Variants in DHRS1 observed in about 807,000 individuals in gnomAD.
DHRS1 encodes dehydrogenase/reductase 1, also known as dehydrogenase/reductase SDR family member 1.
In DHRS1, 34 loss-of-function variants were observed where a neutral mutation model predicts 35.2. That is an observed-to-expected ratio of 0.97 (90% CI 0.74 to 1.29). DHRS1 has a LOEUF of 1.29. Among genes scored for constraint, DHRS1 ranks in the 50% most tolerant of loss-of-function variants. The pLI, the probability that DHRS1 is intolerant of heterozygous loss-of-function variation, is 0.00. For synonymous variants in DHRS1, 133 were observed against 160.0 expected (o/e 0.83, Z 1.27); for missense variants, 354 against 403.6 (o/e 0.88, Z 1.05).
chr14:24,299,281 G>A (rs2041323314), intron 1 of DHRS1, 151 bp from the exon 2 acceptor site: 3 of 701,194 alleles, frequency 4.3e-6, no homozygotes, highest in Non-Finnish European at 6.9e-6. Flanking sequence ...GCTGACAACT[G>A]GGTGCGGGCC....
At chr14:24,292,614 C>CT in intron 5 of DHRS1, 38 bp downstream of exon 5, 1 of 1,614,200 alleles carries the variant, frequency 6.2e-7, no homozygotes, top group Non-Finnish European at 8.5e-7. Flanking sequence ...ACATCACTGT[C>CT]TTTTACCTCC....
intron 4 of DHRS1, chr14:24,293,479 C>T (rs1485045295): frequency 6.6e-6 from 1 of 152,132 alleles, no homozygotes; most frequent in Non-Finnish European, 1.5e-5. Context: ...GAGCCTGAGG[C>T]AGGAGGATCT....
chr14:24,297,147 G>A (rs559719529), intron 2 of DHRS1, among the ~76,000 whole-genome samples: 8 of 152,356 alleles, frequency 5.3e-5, no homozygotes, highest in Non-Finnish European at 8.8e-5. Flanking sequence ...CATGTGCACA[G>A]CATTGTACTT....
chr14:24,291,633 A>G lies in DHRS1; in HGVS notation c.655-8T>C. 1 of 1,614,028 alleles carries G rather than the reference A, an allele frequency of 6.2e-7. No individual in the cohort carries two copies. The highest frequency in any genetic ancestry group is 1.1e-5 in the South Asian group (1 of 91,084). ...TGAGAAGGCTGATTTGAACTGAAAC[A>G]CAGGGGCAGAGAAGTGAAGGGTTAA... On this transcript the variant is annotated splice_region_variant and splice_polypyrimidine_tract_variant and intron_variant, in intron 6 of 8. Coordinates refer to ENST00000288111, the MANE Select transcript of DHRS1 (RefSeq NM_001136050.3).
At chr14:24,295,738 CT>C (rs2041238707) in intron 4 of DHRS1, among the ~76,000 whole-genome samples, 1 of 152,222 alleles carries the variant, frequency 6.6e-6, no homozygotes, top group South Asian at 2.1e-4. Flanking sequence ...TCCTAATGAT[CT>C]TCCTTCCACT....
chr14:24,296,530 T>C lies in DHRS1; in HGVS notation c.353A>G (p.Asp118Gly). ...CCACCTGAGTCCGACGTTGTTGATA[T>C]CATCCCACATGGAGGCAGGGGTTTC... is the stretch of plus-strand genomic sequence containing the variant. ...FWETPASMWD[D>G]INNVGLRGHY... Residue 118 changes from aspartate to glycine, a missense_variant, in exon 4 of 9, where the codon GAT becomes GGT. Physicochemically the swap from Asp to Gly is moderately conservative, Grantham distance 94. Transcript: ENST00000288111. The C allele has an allele frequency of 6.2e-7, 1 of 1,614,094 alleles. No individual in the cohort carries two copies.
At position 24,296,580 on chromosome 14, in the gene DHRS1, C is replaced by T. The variant is rs754850456; in HGVS notation, c.303G>A (p.Leu101=). 3 of 1,613,946 alleles carry T rather than the reference C, an allele frequency of 1.9e-6. No individual in the cohort carries two copies. Among genetic ancestry groups the T allele is most frequent in the South Asian group, 1.1e-5 (1 of 91,072 alleles). The part of the protein sequence containing the change: ...NNAYAGVQTI[L]NTRNKAFWET... The stretch of plus-strand genomic sequence containing the variant: ...CCCAGAATGCCTTATTCCTGGTGTT[C>T]AGGATCGTCTGGAAGGCACAGGGAG... Residue 101 remains leucine, a synonymous_variant, in exon 4 of 9, where the codon CTG becomes CTA. Transcript: ENST00000288111.
In DHRS1 at chr14:24,296,536, C is replaced by T. The variant is rs1469173317; in HGVS notation, c.347G>A (p.Trp116Ter). 1 of 1,614,198 alleles carries T rather than the reference C, an allele frequency of 6.2e-7. No homozygotes were observed. ...GAGTCCGACGTTGTTGATATCATCCCACATGGAGGCAGGGGTTTCCCAGAA... is the reference window on the plus strand; with the variant it reads ...GAGTCCGACGTTGTTGATATCATCCTACATGGAGGCAGGGGTTTCCCAGAA... ...KAFWETPASM[W>*]DDINNVGLRG... The change falls in exon 4 of 9, where the codon TGG becomes TAG. Residue 116 changes from tryptophan (W) to a stop codon, truncating the protein, a stop_gained. Coordinates refer to ENST00000288111, the MANE Select transcript of DHRS1 (RefSeq NM_001136050.3). LOFTEE classifies it high-confidence loss of function.
At chr14:24,299,422 G>C (rs2041325274) in intron 1 of DHRS1, 159 bp downstream of exon 1, 1 of 274,638 alleles carries the variant, frequency 3.6e-6, no homozygotes, top group Non-Finnish European at 6.9e-6. Flanking sequence ...TGGCGCGGCA[G>C]CCCCTCGGGG....
At position 24,299,131 on chromosome 14, in the gene DHRS1, C is replaced by G. The variant is rs2041319814; in HGVS notation, c.-24-1G>C. On this transcript the variant is annotated splice_acceptor_variant, in intron 1 of 8. Coordinates refer to ENST00000288111, the MANE Select transcript of DHRS1 (RefSeq NM_001136050.3). LOFTEE classifies it low-confidence loss of function (5UTR_SPLICE). ...TGACTCACAGGCAAAGGAGGCAGGT[C>G]TGTGGAAGCAAAGACTTACTCTGAG... The G allele has an allele frequency of 1.9e-6, 3 of 1,602,996 alleles. No individual in the cohort carries two copies. Among genetic ancestry groups the G allele is most frequent in the East Asian group, 4.5e-5 (2 of 44,544 alleles).
intron 4 of DHRS1, chr14:24,294,025 T>C (rs2041206813): frequency 6.6e-6 from 1 of 152,132 alleles, no homozygotes; most frequent in African/African-American, 2.4e-5. Context: ...AACCGACCAG[T>C]TATTTGAGTT....
rs746761446 is a variant in DHRS1 at position 24,296,471 on chromosome 14, G to A, written c.374+38C>T. On this transcript the variant is annotated intron_variant, in intron 4 of 8. Transcript: ENST00000288111. Reference sequence around the variant, plus strand: ...GGCCTGGCCGTCGAGTTGGCTAAGTGAGTGAGGGAACATGGGTCCTGGCAG... The same window carrying A: ...GGCCTGGCCGTCGAGTTGGCTAAGTAAGTGAGGGAACATGGGTCCTGGCAG... 8.7e-6 allele frequency: 14 copies of A among 1,607,402 alleles called. No homozygotes were observed. The South Asian group carries it at 1.3e-4, about 15-fold the overall frequency.
At chr14:24,292,085 A>C in intron 6 of DHRS1, 99 bp downstream of exon 6, 3 of 1,466,308 alleles carry the variant, frequency 2.0e-6, no homozygotes, top group Non-Finnish European at 2.8e-6. Context: ...TGCACCTGCC[A>C]CAGTAAGCAC....
At chr14:24,292,447 GTC>G in intron 5 of DHRS1, 117 bp from the exon 6 acceptor site, 1 of 1,505,520 alleles carries the variant, frequency 6.6e-7, no homozygotes, top group Non-Finnish European at 9.0e-7. Context: ...GAGCCCCAAG[GTC>G]TCAGCTGCCC....
At chr14:24,293,857 GACA>G (rs1375787031) in intron 4 of DHRS1, 4 of 152,056 alleles carry the variant, frequency 2.6e-5, no homozygotes, top group Non-Finnish European at 5.9e-5. Flanking sequence ...AAATGTACAA[GACA>G]TAATAGTTAA....
rs2041143966 is a variant in DHRS1 at position 24,290,766 on chromosome 14, GT to G, written c.*92del. On this transcript the variant is annotated 3_prime_UTR_variant, in exon 9 of 9. Transcript: ENST00000288111. ...GCTTCTCTTCATATCAAGGGTATGGGTAAACAAGAAAGGCTGCTGTTTCACT... is the reference window on the plus strand; with the variant it reads ...GCTTCTCTTCATATCAAGGGTATGGGAAACAAGAAAGGCTGCTGTTTCACT... The G allele has an allele frequency of 6.6e-7, 1 of 1,525,890 alleles. No homozygotes were observed. Among genetic ancestry groups the G allele is most frequent in the African/African-American group, 1.4e-5 (1 of 73,190 alleles). The allele number at this position is 1,525,890 out of a possible 1,614,324, so 94.5% of individuals were successfully genotyped here.
At position 24,292,630 on chromosome 14, in the gene DHRS1, T is replaced by A. The variant is rs770921422; in HGVS notation, c.507+22A>T. On this transcript the variant is annotated intron_variant, in intron 5 of 8. Coordinates refer to ENST00000288111, the MANE Select transcript of DHRS1 (RefSeq NM_001136050.3). ...CATCACTGTCTTTTACCTCCTCAGC[T>A]CCTATGCCACTGGGTCCTCACCGCA... is the stretch of plus-strand genomic sequence containing the variant. 5.0e-6 allele frequency: 8 copies of A among 1,614,036 alleles called. No individual in the cohort carries two copies. The African/African-American group carries it at 8.0e-5, about 16-fold the overall frequency.
At chr14:24,291,528 C>T (rs750138393) in intron 7 of DHRS1, 28 bp downstream of exon 7, 1 of 1,613,426 alleles carries the variant, frequency 6.2e-7, no homozygotes, top group Non-Finnish European at 8.5e-7. Flanking sequence ...CATGCCCTTT[C>T]TTATTACCAG....
intron 8 of DHRS1, 67 bp downstream of exon 8, chr14:24,291,072 G>A (rs545198591): frequency 8.1e-6 from 13 of 1,612,800 alleles, no homozygotes; most frequent in East Asian, 4.5e-5. Context: ...TGGAGAGACC[G>A]AGGGAGGAGT....
Sources: allele counts gnomAD v4.1 joint callset (sites outside exome capture counted in the v4.1 genomes callset), GRCh38; gene constraint gnomAD v4.1.1; transcripts MANE v1.5; gene names NCBI Gene and HGNC (gene_info 2026-07-23, HGNC 2026-07-21).